The following KCND3 variants were observed in gnomAD, a reference collection of about 807,000 sequenced individuals.
KCND3 encodes the protein A-type voltage-gated potassium channel KCND3.
Under a neutral mutation model 51.1 loss-of-function variants are expected in KCND3, and 9 were observed. The ratio of observed to expected loss-of-function variants is 0.18; its 90% CI spans 0.11 to 0.31. The LOEUF (loss-of-function observed/expected upper bound fraction) is 0.31. Among genes scored for constraint, KCND3 ranks in the 10% least tolerant of loss-of-function variants. KCND3 has a pLI of 1.00. For synonymous variants in KCND3, 349 were observed against 368.0 expected, an observed-to-expected ratio of 0.95 and a Z score of 0.59; for missense variants, 526 against 903.8, an observed-to-expected ratio of 0.58 and a Z score of 5.36.
rs1343080909 is a variant in KCND3 at position 111,978,791 on chromosome 1, G to C, written c.1106+2830C>G. Among the ~76,000 whole-genome samples, 6 of 152,284 alleles carry C rather than the reference G, an allele frequency of 3.9e-5. No homozygotes were observed. The South Asian group carries it at 1.2e-3, about 32-fold the overall frequency. Reference sequence around the variant, plus strand: ...GACAAGTAGGTCTAGAAGGGACTGAGAATAGTATCAGGTCAAGCAAATGGA... The same window carrying C: ...GACAAGTAGGTCTAGAAGGGACTGACAATAGTATCAGGTCAAGCAAATGGA... On this transcript the variant is annotated intron_variant, in intron 2 of 7. Coordinates refer to ENST00000302127, the MANE Select transcript of KCND3 (RefSeq NM_001378969.1).
chr1:111,887,182 G>A (rs1276453820), intron 2 of KCND3, among the ~76,000 whole-genome samples: 1 of 152,216 alleles, frequency 6.6e-6, no homozygotes, highest in Non-Finnish European at 1.5e-5. Context: ...CAGTGCTGAA[G>A]AGTTGTCTGT....
At chr1:111,913,723 C>A (rs888968934) in intron 2 of KCND3, among the ~76,000 whole-genome samples, 4 of 152,086 alleles carry the variant, frequency 2.6e-5, no homozygotes, top group Non-Finnish European at 4.4e-5. Context: ...ACCTGGGCAA[C>A]ATAGGGGGAC....
intron 5 of KCND3, among the ~76,000 whole-genome samples, 181 bp from the exon 6 acceptor site, chr1:111,778,673 C>A (rs1312594905): frequency 6.6e-6 from 1 of 151,994 alleles, no homozygotes; most frequent in Non-Finnish European, 1.5e-5. Context: ...TTAGCCCCAA[C>A]AGGACCCTGC....
chr1:111,904,423 C>G (rs967340859), intron 2 of KCND3, among the ~76,000 whole-genome samples: 1 of 152,182 alleles, frequency 6.6e-6, no homozygotes, highest in African/African-American at 2.4e-5. Flanking sequence ...TGCTATAAAT[C>G]AGCTTAGCTT....
At chr1:111,790,606 T>G (rs1361327338) in intron 2 of KCND3, among the ~76,000 whole-genome samples, 1 of 152,252 alleles carries the variant, frequency 6.6e-6, no homozygotes, top group African/African-American at 2.4e-5. Context: ...TCCAACCATT[T>G]AAATTATGCA....
At chr1:111,912,323 G>A (rs1670992051) in intron 2 of KCND3, among the ~76,000 whole-genome samples, 1 of 152,244 alleles carries the variant, frequency 6.6e-6, no homozygotes, top group South Asian at 2.1e-4. Context: ...TCTTAACACT[G>A]TAGTGCAATG....
Position 111,982,213 on chromosome 1 carries a change from C to T in KCND3, c.514G>A (p.Ala172Thr), listed in dbSNP as rs149488365. The T allele has an allele frequency of 9.3e-6, 15 of 1,613,938 alleles. No individual in the cohort carries two copies. The highest frequency in any genetic ancestry group is 2.7e-5 in the African/African-American group (2 of 74,900). ...GTGCTGGTGTGGGGGTTCTCGAAGG[C>T]CCGCCACATGGTCTGGCGGAAGCTG... The part of the protein sequence containing the change: ...SLSFRQTMWR[A>T]FENPHTSTLA... The change falls in exon 2 of 8, where the codon GCC (alanine) becomes ACC (threonine). Residue 172 changes from alanine to threonine, a missense_variant. Ala to Thr is a moderately conservative substitution (Grantham distance 58). Around this residue, in one of 5 missense-constraint regions of KCND3, gnomAD observed 159 missense variants for 262.8 expected, o/e 0.61. Coordinates refer to ENST00000302127, the MANE Select transcript of KCND3 (RefSeq NM_001378969.1). The surrounding 1 kb of genome is among the most constrained non-coding windows in gnomAD (Gnocchi z 8.5).
At chr1:111,944,519 G>A (rs182174950) in intron 2 of KCND3, among the ~76,000 whole-genome samples, 1 of 152,288 alleles carries the variant, frequency 6.6e-6, no homozygotes, top group Admixed American at 6.5e-5. Flanking sequence ...GTGAAGCCCG[G>A]CCAGCCATGC....
rs563488357 is a variant in KCND3 at position 111,969,335 on chromosome 1, A to T, written c.1106+12286T>A. On this transcript the variant is annotated intron_variant, in intron 2 of 7. Transcript: ENST00000302127. ...TGGTGTGGTAGGACATTGGGGGCAC[A>T]TGTATTTTCCTCTCCTATGCTCAAG... Among the ~76,000 whole-genome samples, 18 of 152,302 alleles carry T rather than the reference A, an allele frequency of 1.2e-4. No individual in the cohort carries two copies. In the South Asian group the frequency reaches 3.7e-3, roughly 32 times the overall value.
At chr1:111,882,823 C>A (rs1669396453) in intron 2 of KCND3, among the ~76,000 whole-genome samples, 1 of 152,092 alleles carries the variant, frequency 6.6e-6, no homozygotes, top group Admixed American at 6.5e-5. Context: ...GGGGCTGGAA[C>A]TCTTCCTTTC....
At position 111,977,578 on chromosome 1, in the gene KCND3, G is replaced by A. The variant is rs370981771; in HGVS notation, c.1106+4043C>T. 3.9e-5 allele frequency among the ~76,000 whole-genome samples: 6 copies of A among 152,218 alleles called. No individual in the cohort carries two copies. In the East Asian group the frequency reaches 5.8e-4, roughly 15 times the overall value. On this transcript the variant is annotated intron_variant, in intron 2 of 7. Coordinates refer to ENST00000302127, the MANE Select transcript of KCND3 (RefSeq NM_001378969.1). ...ACCAGTAGCAGTGAGCCATCTCATCGGGATCGGACACTGCTCTGAACCCTT... is the reference window on the plus strand; with the variant it reads ...ACCAGTAGCAGTGAGCCATCTCATCAGGATCGGACACTGCTCTGAACCCTT...
intron 2 of KCND3, among the ~76,000 whole-genome samples, chr1:111,921,322 G>A: frequency 6.6e-6 from 1 of 152,204 alleles, no homozygotes; most frequent in East Asian, 1.9e-4. Context: ...TCTCTTCCAT[G>A]AAGCCAGAGC....
intron 2 of KCND3, among the ~76,000 whole-genome samples, chr1:111,936,167 C>G (rs2120435): frequency 1 from 152,171 of 152,318 alleles, 76,012 homozygotes; most frequent in Middle Eastern, 1. Flanking sequence ...GATGGAGAGA[C>G]CCCAAGTTTG....
intron 2 of KCND3, among the ~76,000 whole-genome samples, chr1:111,948,682 C>T (rs1672908852): frequency 1.3e-5 from 2 of 152,118 alleles, no homozygotes; most frequent in African/African-American, 2.4e-5. Flanking sequence ...AGCAGACCTG[C>T]TGCTCCCCTC....
At chr1:111,815,145 C>G (rs1666029000) in intron 2 of KCND3, among the ~76,000 whole-genome samples, 1 of 152,082 alleles carries the variant, frequency 6.6e-6, no homozygotes, top group Middle Eastern at 3.2e-3. Flanking sequence ...GTGGTAGAAC[C>G]TGGACTAGAA....
At chr1:111,836,892 G>T (rs1667093277) in intron 2 of KCND3, among the ~76,000 whole-genome samples, 1 of 152,140 alleles carries the variant, frequency 6.6e-6, no homozygotes, top group Non-Finnish European at 1.5e-5. Context: ...CCCTTCACTT[G>T]TCCCTGGTGG....
chr1:111,843,967 C>T (rs1042292796), intron 2 of KCND3, among the ~76,000 whole-genome samples: 1 of 152,154 alleles, frequency 6.6e-6, no homozygotes, highest in Admixed American at 6.5e-5. Flanking sequence ...TCCCCTTTCT[C>T]CACCTTCCAA....
At chr1:111,858,309 A>C (rs1279441355) in intron 2 of KCND3, among the ~76,000 whole-genome samples, 1 of 152,154 alleles carries the variant, frequency 6.6e-6, no homozygotes, top group Non-Finnish European at 1.5e-5. Flanking sequence ...TGACGCTTCA[A>C]AGTGTCCAGT....
chr1:111,819,720 T>A (rs1019317010), intron 2 of KCND3, among the ~76,000 whole-genome samples: 1 of 152,264 alleles, frequency 6.6e-6, no homozygotes, highest in Middle Eastern at 3.4e-3. Context: ...TTGTGTCTCC[T>A]CAGGCTGGGA....
Sources: allele counts gnomAD v4.1 joint callset (sites outside exome capture counted in the v4.1 genomes callset), GRCh38; gene constraint gnomAD v4.1.1; regional missense constraint gnomAD v4.1.1; non-coding constraint Gnocchi (gnomAD v3.1); transcripts MANE v1.5; gene names NCBI Gene and HGNC (gene_info 2026-07-23, HGNC 2026-07-21).